Variants in GRIN2C observed in about 807,000 individuals in gnomAD.
GRIN2C encodes the protein glutamate ionotropic receptor NMDA type subunit 2C.
In GRIN2C, 64 loss-of-function variants were observed where a neutral mutation model predicts 77.7. The ratio of observed to expected loss-of-function variants is 0.82; its 90% confidence interval spans 0.67 to 1.01. The LOEUF is 1.01. Ranked by LOEUF, GRIN2C falls within the 50% of genes least tolerant of loss-of-function variation. The probability of loss-of-function intolerance (pLI) is 0.00; values close to 1 mark genes in which losing one functional copy is unlikely to be tolerated. For synonymous variants in GRIN2C, 792 were observed against 643.4 expected (o/e 1.23, Z -3.49); for missense variants, 1,549 against 1,486.0 (o/e 1.04, Z -0.70).
Position 74,847,307 on chromosome 17 carries a change from CCTT to C in GRIN2C, c.1999_2001del (p.Lys667del). ...ACCCCCAGCAGCTATGGCCCCACAA[CCTT>C]CTTGTCACTGAGGCCCGACACAGTG... is the stretch of plus-strand genomic sequence containing the variant. On this transcript the variant is annotated inframe_deletion and splice_region_variant, in exon 9 of 13. Coordinates refer to ENST00000293190, the MANE Select transcript of GRIN2C (RefSeq NM_000835.6). This position sits in a 1 kb window ranked among gnomAD's most constrained non-coding sequence, Gnocchi z 5.2. 2 of 1,346,552 alleles carry C rather than the reference CCTT, an allele frequency of 1.5e-6. No homozygotes were observed. The highest frequency in any genetic ancestry group is 2.1e-6 in the Non-Finnish European group (2 of 961,140). The allele number at this position is 1,346,552 out of a possible 1,614,324, so 83.4% of individuals were successfully genotyped here.
At position 74,845,058 on chromosome 17, in the gene GRIN2C, AGT is replaced by A; in HGVS notation, c.2351-552_2351-551del. On this transcript the variant is annotated intron_variant, in intron 11 of 12. Coordinates refer to ENST00000293190, the MANE Select transcript of GRIN2C (RefSeq NM_000835.6). ...GCGATCCTTCCACCTCAGCCCCCTGAGTAGCTGGGACTACAGGCACACCACCA... is the reference window on the plus strand; with the variant it reads ...GCGATCCTTCCACCTCAGCCCCCTGAAGCTGGGACTACAGGCACACCACCA... 2.0e-5 allele frequency among the ~76,000 whole-genome samples: 3 copies of A among 151,684 alleles called. No homozygotes were observed. In the East Asian group the frequency reaches 5.8e-4, roughly 30 times the overall value.
rs930769355 is a variant in GRIN2C at position 74,842,777 on chromosome 17, C to T, written c.3360G>A (p.Ala1120=). 3 of 664,058 alleles carry T rather than the reference C, an allele frequency of 4.5e-6. No individual in the cohort carries two copies. The highest frequency in any genetic ancestry group is 5.5e-6 in the Non-Finnish European group (2 of 366,790). 41.1% of individuals were successfully genotyped at this position (664,058 alleles called of 1,614,324 possible). The change falls in exon 13 of 13, where the codon GCG becomes GCA. Residue 1120 remains alanine, a synonymous_variant. Coordinates refer to ENST00000293190, the MANE Select transcript of GRIN2C (RefSeq NM_000835.6). ...GHSACRRLAQ[A]QSMCLPIYRE... is the part of the protein sequence containing the mutation. ...GGTAGATCGGCAAGCACATCGACTG[C>T]GCCTGCGCCAAGCGCCTGCAGGCCG...
At position 74,843,320 on chromosome 17, in the gene GRIN2C, C is replaced by G; in HGVS notation, c.2817G>C (p.Arg939=). ...TGGGCAGGCATGGGCTGGGGCCAGA[C>G]CGCGGGGTCGGGCAGGGGGACGGTG... The part of the protein sequence containing the change: ...APPPSPCPTP[R]SGPSPCLPTP... The change falls in exon 13 of 13, where the codon CGG becomes CGC. Residue 939 remains arginine, a synonymous_variant. Coordinates refer to ENST00000293190, the MANE Select transcript of GRIN2C (RefSeq NM_000835.6). 6.9e-7 allele frequency: 1 copy of G among 1,458,298 alleles called. No homozygotes were observed. Among genetic ancestry groups the G allele is most frequent in the Non-Finnish European group, 9.2e-7 (1 of 1,087,652 alleles). The allele number at this position is 1,458,298 out of a possible 1,614,324, so 90.3% of individuals were successfully genotyped here. A position where few individuals can be genotyped will look rare whatever the true frequency, so the allele number is the denominator to read the frequency against.
intron 2 of GRIN2C, chr17:74,853,081 C>T (rs74353655): frequency 0.063 from 9,608 of 153,260 alleles, 514 homozygotes; most frequent in East Asian, 0.22. Flanking sequence ...AGCCAATGTC[C>T]TGAGATCTTA....
intron 1 of GRIN2C, among the ~76,000 whole-genome samples, chr17:74,857,546 C>T (rs983028603): frequency 2.0e-5 from 3 of 152,218 alleles, no homozygotes; most frequent in African/African-American, 7.2e-5. Context: ...GCTGCCACCA[C>T]CAATCAGGGA....
Position 74,842,852 on chromosome 17 carries a change from C to G in GRIN2C, c.3285G>C (p.Ser1095=), listed in dbSNP as rs899771224. Reference sequence around the variant, plus strand: ...CGGGGCCGGTGCACCCAGCGGGCAGCGAGCTGGGCCGAGCGAAGGCCTCGG... The same window carrying G: ...CGGGGCCGGTGCACCCAGCGGGCAGGGAGCTGGGCCGAGCGAAGGCCTCGG... ...SVAEAFARPS[S]LPAGCTGPAC... Residue 1095 remains serine, a synonymous_variant, in exon 13 of 13, where the codon TCG becomes TCC. Transcript: ENST00000293190. 1 of 559,494 alleles carries G rather than the reference C, an allele frequency of 1.8e-6. No homozygotes were observed. The highest frequency in any genetic ancestry group is 2.0e-5 in the African/African-American group (1 of 49,438). 34.7% of individuals were successfully genotyped at this position (559,494 alleles called of 1,614,324 possible). A position where few individuals can be genotyped will look rare whatever the true frequency, so the allele number is the denominator to read the frequency against.
At position 74,850,101 on chromosome 17, in the gene GRIN2C, G is replaced by T; in HGVS notation, c.1491+105C>A. 7.2e-7 allele frequency: 1 copy of T among 1,395,224 alleles called. No individual in the cohort carries two copies. The highest frequency in any genetic ancestry group is 1.0e-6 in the Non-Finnish European group (1 of 1,003,936). The allele number at this position is 1,395,224 out of a possible 1,614,324, so 86.4% of individuals were successfully genotyped here. ...ACTGACCACCCCAGGAGTCATCATT[G>T]GTGACAGCCCATGCCCCCCTCTAGA... is the stretch of plus-strand genomic sequence containing the variant. On this transcript the variant is annotated intron_variant, in intron 6 of 12. Transcript: ENST00000293190. The surrounding 1 kb of genome is among the most constrained non-coding windows in gnomAD (Gnocchi z 5.3).
intron 12 of GRIN2C, chr17:74,844,051 T>G (rs2037384239): frequency 1.2e-6 from 1 of 860,206 alleles, no homozygotes; most frequent in Non-Finnish European, 1.7e-6. Context: ...TTCTTTTATT[T>G]TCTGTAGAGA....
At position 74,850,896 on chromosome 17, in the gene GRIN2C, C is replaced by T; in HGVS notation, c.1114-129G>A. On this transcript the variant is annotated intron_variant, in intron 4 of 12. Transcript: ENST00000293190. This position sits in a 1 kb window ranked among gnomAD's most constrained non-coding sequence, Gnocchi z 5.3. ...GCTGGGGCAGGTCAGAGTAGGGCTG[C>T]TCCCAACAGCCTCCCCCAGCCTCGG... 2 of 732,536 alleles carry T rather than the reference C, an allele frequency of 2.7e-6. No individual in the cohort carries two copies. The highest frequency in any genetic ancestry group is 4.6e-6 in the Non-Finnish European group (2 of 430,560). The allele number at this position is 732,536 out of a possible 1,614,324, so 45.4% of individuals were successfully genotyped here.
rs530444575 is a variant in GRIN2C at position 74,851,606 on chromosome 17, C to T, written c.1084G>A (p.Ala362Thr). 6.5e-4 allele frequency: 1,018 copies of T among 1,563,200 alleles called. 12 individuals are homozygous for T. The South Asian group carries it at 0.011, about 17-fold the overall frequency. The change falls in exon 4 of 13, where the codon GCC (alanine) becomes ACC (threonine). Residue 362 changes from alanine (A) to threonine (T), a missense_variant. By Grantham distance (58) the Ala-to-Thr change is moderately conservative. Transcript: ENST00000293190. ...YLVQPTMVVI[A>T]LNRHRLWEMV... ...TCCCAGAGGCGGTGCCGGTTGAGGG[C>T]GATCACCACCATGGTGGGCTGGACC...
rs934335172 is a variant in GRIN2C at position 74,846,109 on chromosome 17, C to T, written c.2307G>A (p.Trp769Ter). The T allele has an allele frequency of 5.0e-6, 8 of 1,614,198 alleles. No homozygotes were observed. Among genetic ancestry groups the T allele is most frequent in the Non-Finnish European group, 6.8e-6 (8 of 1,180,012 alleles). Residue 769 changes from tryptophan to a stop codon, truncating the protein, a stop_gained, in exon 11 of 13, where the codon TGG becomes TGA. Transcript: ENST00000293190. LOFTEE classifies it high-confidence loss of function. The surrounding 1 kb of genome is among the most constrained non-coding windows in gnomAD (Gnocchi z 4.4). ...AGAGCGCCAGGTCTATGGCCCGCTT[C>T]CAGTGGGAGTCCTTCTGCATGGCGA... is the stretch of plus-strand genomic sequence containing the variant. ...YGIAMQKDSH[W>*]KRAIDLALLQ... is the part of the protein sequence containing the mutation.
chr17:74,854,890 C>G lies in GRIN2C; in HGVS notation c.203G>C (p.Gly68Ala). The G allele has an allele frequency of 6.2e-7, 1 of 1,613,000 alleles. No homozygotes were observed. Among genetic ancestry groups the G allele is most frequent in the Non-Finnish European group, 8.5e-7 (1 of 1,179,236 alleles). ...GCTGCTGGGGTTGGTGGTGTTGACC[C>G]CAACTGTGAGCGGCTGGATCTCCAG... ...LPLEIQPLTV[G>A]VNTTNPSSLL... The change falls in exon 2 of 13, where the codon GGG becomes GCG. Residue 68 changes from glycine to alanine, a missense_variant. By Grantham distance (60) the Gly-to-Ala change is moderately conservative (BLOSUM62 0). Transcript: ENST00000293190.
In GRIN2C at chr17:74,849,816, G is replaced by A. The variant is rs367631087; in HGVS notation, c.1609C>T (p.Arg537Cys). 1.3e-5 allele frequency: 21 copies of A among 1,612,816 alleles called. No individual in the cohort carries two copies. The highest frequency in any genetic ancestry group is 2.2e-5 in the East Asian group (1 of 44,860). Reference sequence around the variant, plus strand: ...GAGGGGGAGACGGTGCCATTGCTGCGAGCCACCATCACACTGATGCCCGTC... The same window carrying A: ...GAGGGGGAGACGGTGCCATTGCTGCAAGCCACCATCACACTGATGCCCGTC... Reference protein sequence around the residue: ...VETGISVMVARSNGTVSPSAF... With the variant: ...VETGISVMVACSNGTVSPSAF... Residue 537 changes from arginine to cysteine, a missense_variant, in exon 7 of 13, where the codon CGC becomes TGC. Physicochemically the swap from Arg to Cys is radical, Grantham distance 180. Around this residue, in one of 3 missense-constraint regions of GRIN2C, gnomAD observed 717 missense variants for 858.1 expected, o/e 0.84. Transcript: ENST00000293190. The surrounding 1 kb of genome is among the most constrained non-coding windows in gnomAD (Gnocchi z 4.6).
rs970605485 is a variant in GRIN2C, at chr17:74,842,124, G to C, written c.*311C>G. 5.8e-6 allele frequency: 2 copies of C among 345,556 alleles called. No homozygotes were observed. The highest frequency in any genetic ancestry group is 6.8e-5 in the East Asian group (1 of 14,746). 21.4% of individuals were successfully genotyped at this position (345,556 alleles called of 1,614,324 possible). A position where few individuals can be genotyped will look rare whatever the true frequency, so the allele number is the denominator to read the frequency against. On this transcript the variant is annotated 3_prime_UTR_variant, in exon 13 of 13. Transcript: ENST00000293190. ...GGCCCTGCCTCAACCACAAGTTCCA[G>C]CCTCCATGCCCACAGCAGCCATGAC...
chr17:74,848,338 A>G (rs1434095095), intron 7 of GRIN2C, among the ~76,000 whole-genome samples: 1 of 152,144 alleles, frequency 6.6e-6, no homozygotes, highest in East Asian at 1.9e-4. Context: ...TCATCCTACC[A>G]ACATGGAAAC....
chr17:74,845,849 C>G (rs1412018302), intron 11 of GRIN2C, among the ~76,000 whole-genome samples: 1 of 152,032 alleles, frequency 6.6e-6, no homozygotes. Flanking sequence ...TTCAGGGACT[C>G]TCTAGCCCAG....
Position 74,859,644 on chromosome 17 carries a change from T to C in GRIN2C, c.-16+100A>G, listed in dbSNP as rs1428374767. On this transcript the variant is annotated intron_variant, in intron 1 of 12. Coordinates refer to ENST00000293190, the MANE Select transcript of GRIN2C (RefSeq NM_000835.6). The surrounding 1 kb of genome is among the most constrained non-coding windows in gnomAD (Gnocchi z 5.9). ...CCCACTGCTGGGGGCACGGAGTTCTTGCTCCTCCAAGGCTACGGCCCCCGT... is the reference window on the plus strand; with the variant it reads ...CCCACTGCTGGGGGCACGGAGTTCTCGCTCCTCCAAGGCTACGGCCCCCGT... 6.6e-6 allele frequency: 1 copy of C among 152,086 alleles called. No homozygotes were observed. Among genetic ancestry groups the C allele is most frequent in the Non-Finnish European group, 1.5e-5 (1 of 68,030 alleles). The allele number at this position is 152,086 out of a possible 1,614,324, so 9.4% of individuals were successfully genotyped here. A position where few individuals can be genotyped will look rare whatever the true frequency, so the allele number is the denominator to read the frequency against.
Position 74,849,633 on chromosome 17 carries a change from C to G in GRIN2C, c.1645+147G>C, listed in dbSNP as rs528777300. ...CTTCACTTCTCCTGTCTCCTTTCCA[C>G]TCACCTCCAGCCAACCTCCAAGACC... On this transcript the variant is annotated intron_variant, in intron 7 of 12. Coordinates refer to ENST00000293190, the MANE Select transcript of GRIN2C (RefSeq NM_000835.6). The surrounding 1 kb of genome is among the most constrained non-coding windows in gnomAD (Gnocchi z 4.6). The G allele has an allele frequency of 1.1e-4, 75 of 714,124 alleles. No individual in the cohort carries two copies. In the African/African-American group the frequency reaches 1.3e-3, roughly 12 times the overall value. 44.2% of individuals were successfully genotyped at this position (714,124 alleles called of 1,614,324 possible).
chr17:74,852,272 C>T lies in GRIN2C; in HGVS notation c.739G>A (p.Gly247Arg). 1 of 1,410,336 alleles carries T rather than the reference C, an allele frequency of 7.1e-7. No homozygotes were observed. The highest frequency in any genetic ancestry group is 9.2e-7 in the Non-Finnish European group (1 of 1,088,496). The allele number at this position is 1,410,336 out of a possible 1,614,324, so 87.4% of individuals were successfully genotyped here. The change falls in exon 3 of 13, where the codon GGG becomes AGG. Residue 247 changes from glycine (G) to arginine (R), a missense_variant. Around this residue, in one of 3 missense-constraint regions of GRIN2C, gnomAD observed 382 missense variants for 360.0 expected, o/e 1.06. Transcript: ENST00000293190. ...FAEAAQAGLVGPGHVWLVPNL... is the reference protein window; with the variant it reads ...FAEAAQAGLVRPGHVWLVPNL... ...GGCACCAGCCACACGTGGCCGGGCC[C>T]CACCAGACCGGCCTGCGCCGCCTCG...
Sources: allele counts gnomAD v4.1 joint callset (sites outside exome capture counted in the v4.1 genomes callset), GRCh38; gene constraint gnomAD v4.1.1; regional missense constraint gnomAD v4.1.1; non-coding constraint Gnocchi (gnomAD v3.1); transcripts MANE v1.5; gene names NCBI Gene and HGNC (gene_info 2026-07-23, HGNC 2026-07-21).